Variants in KIAA1328 observed in about 807,000 individuals in gnomAD.
The protein encoded by KIAA1328 is protein hinderin.
In KIAA1328, 52 loss-of-function variants were observed where a neutral mutation model predicts 68.1. The ratio of observed to expected loss-of-function variants is 0.76; its 90% confidence interval spans 0.61 to 0.96. KIAA1328 has a LOEUF of 0.96. Among genes scored for constraint, KIAA1328 ranks in the 40% least tolerant of loss-of-function variants. The probability of loss-of-function intolerance (pLI) is 0.00; values close to 1 mark genes in which losing one functional copy is unlikely to be tolerated. For synonymous variants in KIAA1328, 232 were observed against 239.4 expected (o/e 0.97, Z 0.28); for missense variants, 641 against 677.6 (o/e 0.95, Z 0.60).
chr18:37,030,574 G>A (rs2054782760), intron 6 of KIAA1328, among the ~76,000 whole-genome samples: 1 of 152,058 alleles, frequency 6.6e-6, no homozygotes, highest in Non-Finnish European at 1.5e-5. Context: ...CATATCATAT[G>A]ATCTGGCCAA....
At position 37,138,091 on chromosome 18, in the gene KIAA1328, G is replaced by A. The variant is rs542302976; in HGVS notation, c.1233-22109G>A. Among the ~76,000 whole-genome samples the A allele has an allele frequency of 7.9e-5, 12 of 152,058 alleles. No homozygotes were observed. In the South Asian group the frequency reaches 2.5e-3, roughly 32 times the overall value. On this transcript the variant is annotated intron_variant, in intron 7 of 9. Transcript: ENST00000280020. The stretch of plus-strand genomic sequence containing the variant: ...GATATTGCTCTTAAGCCTTTTAAAT[G>A]TTTTCTCATTTAATAGTAACATAAA...
At chr18:36,886,299 T>G (rs2048498344) in intron 5 of KIAA1328, 1 of 152,208 alleles carries the variant, frequency 6.6e-6, no homozygotes, top group Non-Finnish European at 1.5e-5. Flanking sequence ...CTGCTGTAAT[T>G]GAGCTGGAAC....
chr18:37,078,352 G>A (rs2056823274), intron 7 of KIAA1328, among the ~76,000 whole-genome samples: 7 of 151,946 alleles, frequency 4.6e-5, no homozygotes, highest in Admixed American at 2.6e-4. Context: ...AGACTTAAAC[G>A]TTAGACCTAA....
At chr18:37,116,135 T>G (rs1403431119) in intron 7 of KIAA1328, among the ~76,000 whole-genome samples, 3 of 152,004 alleles carry the variant, frequency 2.0e-5, no homozygotes, top group African/African-American at 7.3e-5. Flanking sequence ...ACCAATAACT[T>G]TCTTCACAGA....
At chr18:36,890,637 T>C (rs533690151) in intron 5 of KIAA1328, among the ~76,000 whole-genome samples, 38 of 152,262 alleles carry the variant, frequency 2.5e-4, no homozygotes, top group South Asian at 6.2e-4. Context: ...TGCCACTGCA[T>C]TCCAGCATAG....
intron 7 of KIAA1328, chr18:37,084,083 A>C (rs1204592765): frequency 8.4e-7 from 1 of 1,196,968 alleles, no homozygotes. Context: ...TCAGGTTATC[A>C]GGCTTCACAA....
intron 4 of KIAA1328, among the ~76,000 whole-genome samples, chr18:36,883,722 A>G (rs1432644607): frequency 6.6e-6 from 1 of 151,930 alleles, no homozygotes; most frequent in African/African-American, 2.4e-5. Context: ...AACATCACTC[A>G]TTTCTTTGTT....
At chr18:36,936,597 T>C (rs2050508910) in intron 5 of KIAA1328, among the ~76,000 whole-genome samples, 1 of 152,192 alleles carries the variant, frequency 6.6e-6, no homozygotes. Context: ...GTCTTTATAG[T>C]AGAATGATTT....
intron 5 of KIAA1328, among the ~76,000 whole-genome samples, chr18:36,938,663 T>C (rs1289985715): frequency 6.6e-6 from 1 of 152,198 alleles, no homozygotes; most frequent in African/African-American, 2.4e-5. Context: ...TTCACTGTCC[T>C]GACCAACAGA....
chr18:37,177,326 T>G (rs1442428613), intron 9 of KIAA1328, among the ~76,000 whole-genome samples: 1 of 152,226 alleles, frequency 6.6e-6, no homozygotes, highest in African/African-American at 2.4e-5. Context: ...TTCAGTCATA[T>G]GGTGACACAG....
chr18:37,076,026 A>G (rs1339498596), intron 7 of KIAA1328, among the ~76,000 whole-genome samples: 1 of 152,162 alleles, frequency 6.6e-6, no homozygotes, highest in East Asian at 1.9e-4. Context: ...TCAACAGAAT[A>G]TACATTTTTT....
chr18:37,081,509 A>G (rs1215021556), intron 7 of KIAA1328, among the ~76,000 whole-genome samples: 1 of 152,200 alleles, frequency 6.6e-6, no homozygotes, highest in Non-Finnish European at 1.5e-5. Flanking sequence ...AACCTTCTGC[A>G]CATTAATATC....
rs189866928 is a variant in KIAA1328, at chr18:37,189,054, A to G, written c.1523+15973A>G. Among the ~76,000 whole-genome samples the G allele has an allele frequency of 5.9e-4, 89 of 152,048 alleles. 1 individual carries two copies. The highest frequency in any genetic ancestry group is 2.2e-3 in the Admixed American group (34 of 15,268). ...TGGCAAAAGCTGCTATTAAAGGAGG[A>G]AAAAAAACGAATTCTTTTCAGCTAA... On this transcript the variant is annotated intron_variant, in intron 9 of 9. Coordinates refer to ENST00000280020, the MANE Select transcript of KIAA1328 (RefSeq NM_020776.3).
chr18:37,043,499 C>G (rs570682749), intron 6 of KIAA1328, among the ~76,000 whole-genome samples: 1 of 152,298 alleles, frequency 6.6e-6, no homozygotes, highest in South Asian at 2.1e-4. Flanking sequence ...TGTCACTACT[C>G]AACCTTTTTT....
intron 9 of KIAA1328, among the ~76,000 whole-genome samples, chr18:37,220,198 A>G (rs1363152126): frequency 6.6e-6 from 1 of 152,188 alleles, no homozygotes; most frequent in Admixed American, 6.5e-5. Flanking sequence ...GTTGGAATTT[A>G]ATTTTAAATA....
At chr18:37,045,127 T>C (rs2055414854) in intron 6 of KIAA1328, among the ~76,000 whole-genome samples, 1 of 152,174 alleles carries the variant, frequency 6.6e-6, no homozygotes. Context: ...TGAGGGATAT[T>C]TTTTTGAATT....
At chr18:37,025,260 A>G (rs1398830826) in intron 6 of KIAA1328, among the ~76,000 whole-genome samples, 3 of 152,164 alleles carry the variant, frequency 2.0e-5, no homozygotes, top group Admixed American at 2.0e-4. Context: ...TTAGACTCCC[A>G]CGCAATAATA....
At chr18:36,912,144 C>T (rs1436437035) in intron 5 of KIAA1328, among the ~76,000 whole-genome samples, 1 of 152,026 alleles carries the variant, frequency 6.6e-6, no homozygotes, top group Non-Finnish European at 1.5e-5. Context: ...TATATGTATT[C>T]ACTTCCTATT....
At position 37,225,036 on chromosome 18, in the gene KIAA1328, A is replaced by T; in HGVS notation, c.*2809A>T. ...ATCCCCATGATGGGGACTTTTCTAGAGCACCCCAAATGTCATGGGGAGAGA... is the reference window on the plus strand; with the variant it reads ...ATCCCCATGATGGGGACTTTTCTAGTGCACCCCAAATGTCATGGGGAGAGA... On this transcript the variant is annotated 3_prime_UTR_variant, in exon 10 of 10. Transcript: ENST00000280020. The T allele has an allele frequency of 1.0e-6, 1 of 985,438 alleles. No homozygotes were observed. Among genetic ancestry groups the T allele is most frequent in the Non-Finnish European group, 1.2e-6 (1 of 829,942 alleles). The allele number at this position is 985,438 out of a possible 1,614,324, so 61.0% of individuals were successfully genotyped here. A position where few individuals can be genotyped will look rare whatever the true frequency, so the allele number is the denominator to read the frequency against.
Sources: allele counts gnomAD v4.1 joint callset (sites outside exome capture counted in the v4.1 genomes callset), GRCh38; gene constraint gnomAD v4.1.1; transcripts MANE v1.5; gene names NCBI Gene and HGNC (gene_info 2026-07-23, HGNC 2026-07-21).